The following FPR3 variants were observed in gnomAD, a reference collection of about 807,000 sequenced individuals.
The protein encoded by FPR3 is formyl peptide receptor 3, also known as N-formyl peptide receptor 3.
For synonymous variants in FPR3, 135 were observed against 163.6 expected (o/e 0.83, Z 1.34); for missense variants, 346 against 443.2 (o/e 0.78, Z 1.97).
chr19:51,798,796 T>G (rs932358792), intron 1 of FPR3, among the ~76,000 whole-genome samples: 1 of 152,162 alleles, frequency 6.6e-6, no homozygotes, highest in Non-Finnish European at 1.5e-5. Context: ...TTAAAGAGGC[T>G]AAATAGCCCA....
chr19:51,809,379 C>T (rs1354186010), intron 1 of FPR3, among the ~76,000 whole-genome samples: 2 of 152,188 alleles, frequency 1.3e-5, no homozygotes, highest in Non-Finnish European at 2.9e-5. Context: ...CACATCAGCT[C>T]CCGTATCCAT....
chr19:51,819,802 G>T (rs899146716), intron 1 of FPR3, among the ~76,000 whole-genome samples: 3 of 152,138 alleles, frequency 2.0e-5, no homozygotes, highest in Admixed American at 2.0e-4. Context: ...AAAGAAATAT[G>T]GGCCAAGATT....
intron 1 of FPR3, among the ~76,000 whole-genome samples, chr19:51,796,967 G>A (rs2084003357): frequency 6.6e-6 from 1 of 152,200 alleles, no homozygotes; most frequent in African/African-American, 2.4e-5. Context: ...AACATTTAGA[G>A]TCAAATTTAG....
chr19:51,818,005 A>T (rs56083320), intron 1 of FPR3, among the ~76,000 whole-genome samples: 56,952 of 139,492 alleles, frequency 0.41, 11,109 homozygotes, highest in South Asian at 0.54. Context: ...TCTTTTCTTT[A>T]CTTTTCTTTT....
At chr19:51,799,069 T>C (rs1446301243) in intron 1 of FPR3, among the ~76,000 whole-genome samples, 1 of 152,094 alleles carries the variant, frequency 6.6e-6, no homozygotes, top group African/African-American at 2.4e-5. Flanking sequence ...ATCACACCGC[T>C]GCAGTCCAGC....
chr19:51,813,075 C>T (rs968769788), intron 1 of FPR3, among the ~76,000 whole-genome samples: 15 of 151,710 alleles, frequency 9.9e-5, no homozygotes, highest in Admixed American at 7.9e-4. Flanking sequence ...GCCGAGATCA[C>T]GCCACTGCAC....
chr19:51,815,034 T>G (rs1599837021), intron 1 of FPR3, among the ~76,000 whole-genome samples: 1 of 146,242 alleles, frequency 6.8e-6, no homozygotes, highest in South Asian at 2.2e-4. Flanking sequence ...GGTCCTGAAC[T>G]CCCGACCTCA....
chr19:51,816,771 T>C (rs908799414), intron 1 of FPR3, among the ~76,000 whole-genome samples: 5 of 152,144 alleles, frequency 3.3e-5, no homozygotes, highest in Non-Finnish European at 7.3e-5. Flanking sequence ...TCTGATGCTA[T>C]CTCCAGTTAG....
Position 51,824,858 on chromosome 19 carries a change from G to A in FPR3, c.*48G>A, listed in dbSNP as rs187531282. On this transcript the variant is annotated 3_prime_UTR_variant, in exon 2 of 2. Transcript: ENST00000339223. This position sits in a 1 kb window ranked among gnomAD's most constrained non-coding sequence, Gnocchi z 4.7. ...TGTCTCTTTCTACCCTGCGTTAAGCGGAAAAAAAAAATTCTGACAGTGTTT... is the reference window on the plus strand; with the variant it reads ...TGTCTCTTTCTACCCTGCGTTAAGCAGAAAAAAAAAATTCTGACAGTGTTT... The A allele has an allele frequency of 9.3e-4, 1,332 of 1,427,968 alleles. 8 individuals are homozygous for A. Among genetic ancestry groups the A allele is most frequent in the East Asian group, 9.9e-4 (40 of 40,564 alleles). 88.5% of individuals were successfully genotyped at this position (1,427,968 alleles called of 1,614,324 possible).
chr19:51,795,504 CTTTTTTTTTTTTTT>C (rs58620565), intron 1 of FPR3, among the ~76,000 whole-genome samples, 173 bp downstream of exon 1: 2 of 74,732 alleles, frequency 2.7e-5, no homozygotes, highest in African/African-American at 1.2e-4. Context: ...CAGTAACATT[CTTTTTTTTTTTTTT>C]TTTTTTTTTT....
In FPR3 at chr19:51,825,118, C is replaced by A; in HGVS notation, c.*308C>A. The A allele has an allele frequency of 3.5e-6, 1 of 281,940 alleles. No individual in the cohort carries two copies. The highest frequency in any genetic ancestry group is 7.1e-6 in the Non-Finnish European group (1 of 141,798). 17.5% of individuals were successfully genotyped at this position (281,940 alleles called of 1,614,324 possible). On this transcript the variant is annotated 3_prime_UTR_variant, in exon 2 of 2. Coordinates refer to ENST00000339223, the MANE Select transcript of FPR3 (RefSeq NM_002030.5). The stretch of plus-strand genomic sequence containing the variant: ...TCACAAATCCAGGCTTCTGAAACTT[C>A]GGACCAACCAGCTTCAATCAGGGTT...
chr19:51,797,874 A>ATTTTTTTTT (rs1161472789), intron 1 of FPR3, among the ~76,000 whole-genome samples: 12 of 35,708 alleles, frequency 3.4e-4, no homozygotes, highest in African/African-American at 1.0e-3. Flanking sequence ...TTCCATGTCT[A>ATTTTTTTTT]TTCTTTTTTT....
chr19:51,803,182 T>C (rs2084035638), intron 1 of FPR3, among the ~76,000 whole-genome samples: 1 of 152,178 alleles, frequency 6.6e-6, no homozygotes, highest in South Asian at 2.1e-4. Flanking sequence ...GTGAACCAAG[T>C]CATGTCTAGT....
intron 1 of FPR3, among the ~76,000 whole-genome samples, chr19:51,808,970 G>A (rs1448334677): frequency 6.6e-6 from 1 of 152,218 alleles, no homozygotes; most frequent in Non-Finnish European, 1.5e-5. Context: ...GCAGTGGGCA[G>A]AGGAGAAATA....
Position 51,824,502 on chromosome 19 carries a change from A to T in FPR3, c.754A>T (p.Ile252Phe). Residue 252 changes from isoleucine (I) to phenylalanine (F), a missense_variant, in exon 2 of 2, where the codon ATC becomes TTC. Ile to Phe is a conservative substitution (Grantham distance 21, BLOSUM62 0). Transcript: ENST00000339223. This position sits in a 1 kb window ranked among gnomAD's most constrained non-coding sequence, Gnocchi z 4.7. Reference protein sequence around the residue: ...VFAAVVASFFICWFPYELIGI... With the variant: ...VFAAVVASFFFCWFPYELIGI... Reference sequence around the variant, plus strand: ...CGCTGCTGTGGTGGCTTCTTTCTTCATCTGTTGGTTCCCTTATGAACTAAT... The same window carrying T: ...CGCTGCTGTGGTGGCTTCTTTCTTCTTCTGTTGGTTCCCTTATGAACTAAT... 6.2e-7 allele frequency: 1 copy of T among 1,613,958 alleles called. No homozygotes were observed.
At chr19:51,818,559 T>C (rs923260925) in intron 1 of FPR3, among the ~76,000 whole-genome samples, 8 of 152,188 alleles carry the variant, frequency 5.3e-5, no homozygotes, top group Admixed American at 3.3e-4. Flanking sequence ...GGCAGCTGTT[T>C]TGCAAATGGG....
chr19:51,818,191 TCTAAGA>T (rs1411383099), intron 1 of FPR3, among the ~76,000 whole-genome samples: 3 of 152,234 alleles, frequency 2.0e-5, no homozygotes, highest in African/African-American at 7.2e-5. Context: ...TCTCATGTCT[TCTAAGA>T]CTTAGTATGA....
intron 1 of FPR3, among the ~76,000 whole-genome samples, chr19:51,798,184 T>A (rs2084010778): frequency 6.6e-6 from 1 of 152,102 alleles, no homozygotes; most frequent in African/African-American, 2.4e-5. Flanking sequence ...AGCCTGGTAC[T>A]CTTTACACTG....
chr19:51,820,860 C>T (rs936601269), intron 1 of FPR3, among the ~76,000 whole-genome samples: 4 of 152,168 alleles, frequency 2.6e-5, no homozygotes, highest in African/African-American at 2.4e-5. Context: ...CAATATTCAC[C>T]GTGTCTCAAG....
Sources: allele counts gnomAD v4.1 joint callset (sites outside exome capture counted in the v4.1 genomes callset), GRCh38; gene constraint gnomAD v4.1.1; non-coding constraint Gnocchi (gnomAD v3.1); transcripts MANE v1.5; gene names NCBI Gene and HGNC (gene_info 2026-07-23, HGNC 2026-07-21).